The following LRRTM4 variants were observed in gnomAD, a reference collection of about 807,000 sequenced individuals.
LRRTM4 encodes leucine rich repeat transmembrane neuronal 4, also known as leucine-rich repeat transmembrane neuronal protein 4.
A neutral mutation model predicts 47.6 loss-of-function variants in LRRTM4; 25 were observed. That is an observed-to-expected ratio of 0.53 (90% CI 0.38 to 0.73). LRRTM4 has a LOEUF of 0.73. Among genes scored for constraint, LRRTM4 ranks in the 30% least tolerant of loss-of-function variants. LRRTM4 has a pLI of 0.00. For missense variants in LRRTM4, 638 were observed against 713.4 expected, an observed-to-expected ratio of 0.89 and a Z score of 1.20; for synonymous variants, 311 against 269.5, an observed-to-expected ratio of 1.15 and a Z score of -1.51.
chr2:76,748,659 C>T lies in LRRTM4; in HGVS notation c.*36G>A, dbSNP rs190780528. On this transcript the variant is annotated 3_prime_UTR_variant, in exon 4 of 4. Transcript: ENST00000409884. Reference sequence around the variant, plus strand: ...TTTAAGATGAAGGCCCTCCCTCCCCCCCATGGAGCTCCCCAGTGAGGAGTT... The same window carrying T: ...TTTAAGATGAAGGCCCTCCCTCCCCTCCATGGAGCTCCCCAGTGAGGAGTT... The T allele has an allele frequency of 3.7e-5, 53 of 1,432,038 alleles. No individual in the cohort carries two copies. Among genetic ancestry groups the T allele is most frequent in the South Asian group, 9.1e-5 (8 of 87,448 alleles). The allele number at this position is 1,432,038 out of a possible 1,614,324, so 88.7% of individuals were successfully genotyped here.
At chr2:76,985,400 A>G (rs1676758254) in intron 3 of LRRTM4, among the ~76,000 whole-genome samples, 1 of 152,008 alleles carries the variant, frequency 6.6e-6, no homozygotes, top group African/African-American at 2.4e-5. Flanking sequence ...GTGGGATAGC[A>G]TTTCTTTCCG....
chr2:76,794,889 C>G (rs1234676019), intron 3 of LRRTM4, among the ~76,000 whole-genome samples: 2 of 151,142 alleles, frequency 1.3e-5, no homozygotes, highest in Non-Finnish European at 3.0e-5. Flanking sequence ...GATTAAGAAC[C>G]ACAGTTGTAG....
chr2:76,904,451 C>A (rs913467680), intron 3 of LRRTM4, among the ~76,000 whole-genome samples: 1 of 152,158 alleles, frequency 6.6e-6, no homozygotes, highest in African/African-American at 2.4e-5. Flanking sequence ...TTTACAATTC[C>A]ATATATTATT....
At chr2:76,834,391 A>G (rs891040376) in intron 3 of LRRTM4, among the ~76,000 whole-genome samples, 2 of 151,886 alleles carry the variant, frequency 1.3e-5, no homozygotes, top group African/African-American at 4.8e-5. Context: ...AGATTTCAAA[A>G]TATCTGTTAC....
chr2:77,477,942 A>G (rs1677495804), intron 3 of LRRTM4, among the ~76,000 whole-genome samples: 1 of 149,052 alleles, frequency 6.7e-6, no homozygotes, highest in African/African-American at 2.5e-5. Context: ...AAAGAAAGAA[A>G]GAAAGAAAGA....
chr2:77,128,142 C>CAAAAAAA (rs112254712), intron 3 of LRRTM4, among the ~76,000 whole-genome samples: 1 of 142,948 alleles, frequency 7.0e-6, no homozygotes, highest in Admixed American at 6.9e-5. Flanking sequence ...GACTCTGTCT[C>CAAAAAAA]AAAAAAAAAA....
intron 3 of LRRTM4, among the ~76,000 whole-genome samples, chr2:76,768,240 G>C (rs995004848): frequency 6.6e-6 from 1 of 152,140 alleles, no homozygotes; most frequent in Non-Finnish European, 1.5e-5. Context: ...TAGAGGAAAA[G>C]TATATTGGTT....
intron 3 of LRRTM4, among the ~76,000 whole-genome samples, chr2:76,815,286 A>G (rs979992850): frequency 1.3e-5 from 2 of 152,032 alleles, no homozygotes; most frequent in African/African-American, 4.8e-5. Context: ...AAACTAACCC[A>G]AAGAGGTTAC....
intron 3 of LRRTM4, among the ~76,000 whole-genome samples, chr2:76,965,894 G>A (rs1025681560): frequency 3.3e-5 from 5 of 151,358 alleles, no homozygotes; most frequent in South Asian, 2.1e-4. Context: ...AGTGAAAACC[G>A]AGTATCTAAA....
At chr2:76,938,169 T>A (rs1003559489) in intron 3 of LRRTM4, among the ~76,000 whole-genome samples, 2 of 152,114 alleles carry the variant, frequency 1.3e-5, no homozygotes, top group Non-Finnish European at 2.9e-5. Context: ...AAAGCTTTTA[T>A]TTTTCTCCTT....
intron 3 of LRRTM4, among the ~76,000 whole-genome samples, chr2:77,253,200 T>A (rs1311101421): frequency 6.6e-6 from 1 of 152,032 alleles, no homozygotes; most frequent in African/African-American, 2.4e-5. Context: ...AAAATATAAA[T>A]AAATAAAATG....
chr2:77,430,227 T>C (rs1164943745), intron 3 of LRRTM4, among the ~76,000 whole-genome samples: 1 of 152,212 alleles, frequency 6.6e-6, no homozygotes, highest in Non-Finnish European at 1.5e-5. Flanking sequence ...CCACAATGTA[T>C]ACATACTTTA....
intron 3 of LRRTM4, among the ~76,000 whole-genome samples, chr2:76,824,812 C>T (rs186272336): frequency 1.8e-4 from 28 of 151,518 alleles, no homozygotes; most frequent in Non-Finnish European, 2.4e-4. Flanking sequence ...ATTTGACAGT[C>T]CATCAAGAAT....
At chr2:77,245,988 T>C (rs1485022781) in intron 3 of LRRTM4, among the ~76,000 whole-genome samples, 1 of 152,192 alleles carries the variant, frequency 6.6e-6, no homozygotes, top group African/African-American at 2.4e-5. Flanking sequence ...ATTCCATTAA[T>C]CTCAAATGCC....
chr2:77,090,280 C>T (rs936253091), intron 3 of LRRTM4, among the ~76,000 whole-genome samples: 21 of 152,214 alleles, frequency 1.4e-4, no homozygotes, highest in South Asian at 1.2e-3. Context: ...AAATCAGAAG[C>T]GTTTAGGCTC....
intron 3 of LRRTM4, among the ~76,000 whole-genome samples, chr2:77,025,795 A>AT (rs760868437): frequency 7.2e-4 from 110 of 152,196 alleles, no homozygotes; most frequent in Admixed American, 1.8e-3. Context: ...AAGTTGTATA[A>AT]TTTTTTTATC....
At chr2:77,503,413 A>G (rs533541703) in intron 3 of LRRTM4, among the ~76,000 whole-genome samples, 1 of 151,726 alleles carries the variant, frequency 6.6e-6, no homozygotes, top group Admixed American at 6.6e-5. Context: ...AAATACCAGG[A>G]ATAAAAACGT....
At chr2:76,834,224 T>C (rs1671444659) in intron 3 of LRRTM4, among the ~76,000 whole-genome samples, 1 of 144,792 alleles carries the variant, frequency 6.9e-6, no homozygotes, top group Non-Finnish European at 1.5e-5. Flanking sequence ...TTTTTTTTTG[T>C]ATTTTTAGTA....
At chr2:76,797,747 C>A (rs931660125) in intron 3 of LRRTM4, among the ~76,000 whole-genome samples, 1 of 150,824 alleles carries the variant, frequency 6.6e-6, no homozygotes, top group Non-Finnish European at 1.5e-5. Flanking sequence ...CACACATAGG[C>A]TCAAAATAAA....
Sources: gnomAD v4.1 joint callset for allele counts (sites outside exome capture counted in the v4.1 genomes callset) on GRCh38, gnomAD v4.1.1 for gene constraint, MANE v1.5 for transcripts, NCBI Gene and HGNC (gene_info 2026-07-23, HGNC 2026-07-21) for gene names.